The following SH2D3C variants were observed in gnomAD, a reference collection of about 807,000 sequenced individuals.
The protein encoded by SH2D3C is SH2 domain-containing protein 3C.
Under a neutral mutation model 75.2 loss-of-function variants are expected in SH2D3C, and 25 were observed. The observed-to-expected ratio is 0.33, with a 90% CI of 0.24 to 0.46. The LOEUF is 0.46. Ranked by LOEUF, SH2D3C falls within the 20% of genes least tolerant of loss-of-function variation. The pLI is 1.00. For missense variants in SH2D3C, 933 were observed against 1,165.3 expected, an observed-to-expected ratio of 0.80 and a Z score of 2.90; for synonymous variants, 450 against 473.7, an observed-to-expected ratio of 0.95 and a Z score of 0.65.
intron 6 of SH2D3C, among the ~76,000 whole-genome samples, chr9:127,746,530 C>T (rs1363537300): frequency 6.6e-6 from 1 of 152,234 alleles, no homozygotes; most frequent in Non-Finnish European, 1.5e-5. Context: ...AGGCCAGGTG[C>T]AGTGGCTCAT....
At chr9:127,759,905 C>T (rs1423830914) in intron 3 of SH2D3C, among the ~76,000 whole-genome samples, 3 of 151,772 alleles carry the variant, frequency 2.0e-5, no homozygotes, top group Non-Finnish European at 4.4e-5. Flanking sequence ...ATGGTGTGAA[C>T]CCGGGAGGCG....
chr9:127,761,741 GCCCTTAGGA>G, intron 2 of SH2D3C, 91 bp from the exon 3 acceptor site: 1 of 1,075,138 alleles, frequency 9.3e-7, no homozygotes, highest in Non-Finnish European at 1.4e-6. Flanking sequence ...CCAGCACCTG[GCCCTTAGGA>G]CCCCAGCAGG....
rs1845788954 is a variant in SH2D3C at position 127,774,929 on chromosome 9, A to C, written c.38-462T>G. On this transcript the variant is annotated intron_variant, in intron 1 of 11. Transcript: ENST00000314830. This position sits in a 1 kb window ranked among gnomAD's most constrained non-coding sequence, Gnocchi z 4.3. Reference sequence around the variant, plus strand: ...ACATGATGAAACCCCTTCTCTACTAACAATACAAACATTAGCCGGGTGTGG... The same window carrying C: ...ACATGATGAAACCCCTTCTCTACTACCAATACAAACATTAGCCGGGTGTGG... 6.6e-6 allele frequency among the ~76,000 whole-genome samples: 1 copy of C among 151,994 alleles called. No homozygotes were observed. The highest frequency in any genetic ancestry group is 2.4e-5 in the African/African-American group (1 of 41,378).
In SH2D3C at chr9:127,776,568, A is replaced by G. The variant is rs1471840304; in HGVS notation, c.37+2023T>C. On this transcript the variant is annotated intron_variant, in intron 1 of 11. Transcript: ENST00000314830. ...CTGTCCCTTCTCACAGCCACCACCA[A>G]CTGACTTCCCCACAGCCTCCAGATG... 2.6e-5 allele frequency among the ~76,000 whole-genome samples: 4 copies of G among 152,164 alleles called. 1 individual carries two copies. In the South Asian group the frequency reaches 8.3e-4, roughly 32 times the overall value.
At chr9:127,743,166 G>T (rs1195602684) in intron 7 of SH2D3C, among the ~76,000 whole-genome samples, 1 of 152,200 alleles carries the variant, frequency 6.6e-6, no homozygotes, top group Non-Finnish European at 1.5e-5. Flanking sequence ...TGTGAAGTAG[G>T]AATTAATAGG....
In SH2D3C at chr9:127,749,218, G is replaced by T; in HGVS notation, c.1132C>A (p.Pro378Thr). 1 of 1,552,786 alleles carries T rather than the reference G, an allele frequency of 6.4e-7. No individual in the cohort carries two copies. The change falls in exon 5 of 12, where the codon CCC (proline) becomes ACC (threonine). Residue 378 changes from proline (P) to threonine (T), a missense_variant. Transcript: ENST00000314830. The surrounding 1 kb of genome is among the most constrained non-coding windows in gnomAD (Gnocchi z 5.9). ...AATGGGGCCCTGGCTGACCTGGTGG[G>T]GCAGCCATCGCTGCGGGTGACCTTG... ...ADKVTRSDGC[P>T]TSTSLPRPRD...
At chr9:127,768,007 C>A (rs1845667224) in intron 2 of SH2D3C, among the ~76,000 whole-genome samples, 1 of 152,186 alleles carries the variant, frequency 6.6e-6, no homozygotes, top group Non-Finnish European at 1.5e-5. Flanking sequence ...CCCATCCTTC[C>A]CAAGCCAGCC....
chr9:127,743,107 T>C (rs888225453), intron 7 of SH2D3C, 143 bp from the exon 8 acceptor site: 2 of 575,844 alleles, frequency 3.5e-6, no homozygotes, highest in Non-Finnish European at 6.2e-6. Flanking sequence ...AACCCTCTGA[T>C]ATGGAGCAAG....
In SH2D3C at chr9:127,739,011, C is replaced by T; in HGVS notation, c.2408-90G>A. Reference sequence around the variant, plus strand: ...TCAGGACCCCCCTGTTAGGGACCTCCCCTCAACTCCGCCAGGGATCCAACA... The same window carrying T: ...TCAGGACCCCCCTGTTAGGGACCTCTCCTCAACTCCGCCAGGGATCCAACA... On this transcript the variant is annotated intron_variant, in intron 11 of 11. Transcript: ENST00000314830. This position sits in a 1 kb window ranked among gnomAD's most constrained non-coding sequence, Gnocchi z 4.3. The T allele has an allele frequency of 1.7e-6, 2 of 1,206,372 alleles. No homozygotes were observed. The highest frequency in any genetic ancestry group is 3.6e-5 in the South Asian group (2 of 55,616). 74.7% of individuals were successfully genotyped at this position (1,206,372 alleles called of 1,614,324 possible).
chr9:127,750,969 T>C (rs1187673872), intron 4 of SH2D3C, among the ~76,000 whole-genome samples: 1 of 152,262 alleles, frequency 6.6e-6, no homozygotes, highest in Non-Finnish European at 1.5e-5. Flanking sequence ...TTGCAGTAGA[T>C]ACTGAGGCTC....
chr9:127,753,620 A>T (rs1845266261), intron 3 of SH2D3C, among the ~76,000 whole-genome samples: 1 of 152,154 alleles, frequency 6.6e-6, no homozygotes. Context: ...CACTTCTCCA[A>T]GGGGTCCCCT....
rs1034208662 is a variant in SH2D3C, at chr9:127,754,980, C to T, written c.556-3680G>A. 30 of 558,880 alleles carry T rather than the reference C, an allele frequency of 5.4e-5. No homozygotes were observed. The highest frequency in any genetic ancestry group is 1.1e-4 in the African/African-American group (5 of 47,612). 34.6% of individuals were successfully genotyped at this position (558,880 alleles called of 1,614,324 possible). A position where few individuals can be genotyped will look rare whatever the true frequency, so the allele number is the denominator to read the frequency against. ...CAGCCCAGCCCGACCCTGCCGGGCG[C>T]CGCTGAGCTGCAGCTCCCCGGCTGG... On this transcript the variant is annotated intron_variant, in intron 3 of 11. Coordinates refer to ENST00000314830, the MANE Select transcript of SH2D3C (RefSeq NM_170600.3). This position sits in a 1 kb window ranked among gnomAD's most constrained non-coding sequence, Gnocchi z 4.4.
At chr9:127,765,243 G>A (rs1260169506) in intron 2 of SH2D3C, among the ~76,000 whole-genome samples, 1 of 152,114 alleles carries the variant, frequency 6.6e-6, no homozygotes, top group African/African-American at 2.4e-5. Flanking sequence ...TTCTGAAAGT[G>A]TGATCTTCCT....
intron 2 of SH2D3C, among the ~76,000 whole-genome samples, chr9:127,766,196 G>A (rs893085776): frequency 5.9e-5 from 9 of 152,160 alleles, no homozygotes; most frequent in Non-Finnish European, 8.8e-5. Context: ...TCATGATAGT[G>A]ACCTGGTCCT....
intron 2 of SH2D3C, chr9:127,771,222 G>A: frequency 6.5e-7 from 1 of 1,546,520 alleles, no homozygotes; most frequent in Non-Finnish European, 8.7e-7. Context: ...TCGGCCCACA[G>A]CAGTCATGCT....
intron 3 of SH2D3C, among the ~76,000 whole-genome samples, chr9:127,756,640 CTTTTTTTTTTTTT>C (rs573247009): frequency 2.1e-5 from 2 of 93,868 alleles, no homozygotes; most frequent in East Asian, 2.8e-4. Flanking sequence ...TAGGAGGGGG[CTTTTTTTTTTTTT>C]TTTTTTTTTG....
intron 1 of SH2D3C, among the ~76,000 whole-genome samples, chr9:127,775,148 C>T (rs1397540637): frequency 6.6e-6 from 1 of 152,128 alleles, no homozygotes; most frequent in South Asian, 2.1e-4. Context: ...TGGTGCTTGG[C>T]ACACAGAATA....
Position 127,749,255 on chromosome 9 carries a change from C to T in SH2D3C, c.1095G>A (p.Gly365=). 1.3e-6 allele frequency: 2 copies of T among 1,590,862 alleles called. No homozygotes were observed. The highest frequency in any genetic ancestry group is 1.7e-6 in the Non-Finnish European group (2 of 1,166,824). Residue 365 remains glycine, a synonymous_variant, in exon 5 of 12, where the codon GGG becomes GGA. Transcript: ENST00000314830. This position sits in a 1 kb window ranked among gnomAD's most constrained non-coding sequence, Gnocchi z 5.9. ...MKRRSVTMTD[G]LTADKVTRSD... is the part of the protein sequence containing the mutation. The stretch of plus-strand genomic sequence containing the variant: ...TGCGGGTGACCTTGTCAGCAGTGAG[C>T]CCATCGGTCATGGTGACGCTGCGCC...
chr9:127,755,854 T>G (rs148514593), intron 3 of SH2D3C, among the ~76,000 whole-genome samples: 70 of 152,288 alleles, frequency 4.6e-4, no homozygotes, highest in African/African-American at 1.5e-3. Context: ...ACGACTCACT[T>G]GTGGAAAATG....
Sources: gnomAD v4.1 joint callset for allele counts (sites outside exome capture counted in the v4.1 genomes callset) on GRCh38, gnomAD v4.1.1 for gene constraint, Gnocchi (gnomAD v3.1) non-coding constraint, MANE v1.5 for transcripts, NCBI Gene and HGNC (gene_info 2026-07-23, HGNC 2026-07-21) for gene names.